MBP: variants seen among roughly 807,000 people sequenced by gnomAD.
The protein encoded by MBP is Golli-MBP.
Under a neutral mutation model 35.8 loss-of-function variants are expected in MBP, and 16 were observed. The ratio of observed to expected loss-of-function variants is 0.45; its 90% CI spans 0.30 to 0.68. The LOEUF (loss-of-function observed/expected upper bound fraction) is 0.68. Among genes scored for constraint, MBP ranks in the 30% least tolerant of loss-of-function variants. MBP has a pLI of 0.08. For synonymous variants in MBP, 143 were observed against 159.6 expected, an observed-to-expected ratio of 0.90 and a Z score of 0.78; for missense variants, 380 against 404.7, an observed-to-expected ratio of 0.94 and a Z score of 0.52.
intron 3 of MBP, among the ~76,000 whole-genome samples, chr18:77,058,889 C>T (rs1973850580): frequency 6.6e-6 from 1 of 152,194 alleles, no homozygotes; most frequent in African/African-American, 2.4e-5. Context: ...CAAATGTCAT[C>T]AAAATTAAAA....
At chr18:77,042,094 A>G (rs1052510819) in intron 3 of MBP, among the ~76,000 whole-genome samples, 2 of 152,114 alleles carry the variant, frequency 1.3e-5, no homozygotes, top group African/African-American at 4.8e-5. Flanking sequence ...ATCAAGGAAA[A>G]CCATGAATTC....
intron 2 of MBP, among the ~76,000 whole-genome samples, chr18:77,073,950 CTT>C (rs140873287): frequency 0.15 from 23,421 of 152,202 alleles, 2,021 homozygotes; most frequent in South Asian, 0.23. Flanking sequence ...ATGAGATAGA[CTT>C]TCACAATTAG....
intron 3 of MBP, among the ~76,000 whole-genome samples, chr18:77,022,476 C>T (rs1972028786): frequency 6.6e-6 from 1 of 152,202 alleles, no homozygotes; most frequent in Non-Finnish European, 1.5e-5. Context: ...TTAAGTACAT[C>T]ATTGCACTGT....
chr18:77,112,324 C>T (rs75644825), intron 1 of MBP, among the ~76,000 whole-genome samples: 2,767 of 152,330 alleles, frequency 0.018, 81 homozygotes, highest in African/African-American at 0.062. Flanking sequence ...TCCGTCATCC[C>T]GTTCCCACCT....
chr18:77,038,528 G>A (rs960811455), intron 3 of MBP, among the ~76,000 whole-genome samples: 4 of 152,188 alleles, frequency 2.6e-5, no homozygotes, highest in Non-Finnish European at 2.9e-5. Flanking sequence ...CTATCATGCC[G>A]TAACTGGGTC....
chr18:76,995,864 G>A (rs1475160589), intron 4 of MBP, among the ~76,000 whole-genome samples: 4 of 152,090 alleles, frequency 2.6e-5, no homozygotes, highest in African/African-American at 9.7e-5. Context: ...CAAAACTTTT[G>A]TTTTACAAAA....
intron 4 of MBP, chr18:77,009,980 T>A: frequency 2.4e-6 from 3 of 1,242,128 alleles, no homozygotes; most frequent in South Asian, 1.3e-5. Flanking sequence ...CCGCCGGCAA[T>A]GCCCCAAAGT....
At chr18:77,072,137 C>T (rs187960109) in intron 2 of MBP, among the ~76,000 whole-genome samples, 162 of 152,184 alleles carry the variant, frequency 1.1e-3, no homozygotes, top group African/African-American at 3.6e-3. Flanking sequence ...AGGATCCTGC[C>T]GGCGTACACA....
intron 4 of MBP, among the ~76,000 whole-genome samples, chr18:76,998,384 G>T (rs1209415718): frequency 3.3e-5 from 5 of 152,206 alleles, no homozygotes; most frequent in African/African-American, 1.2e-4. Flanking sequence ...GGCACCGTAT[G>T]CGCGGATTGC....
rs769419674 is a variant in MBP at position 76,984,818 on chromosome 18, T to C, written c.827A>G (p.Lys276Arg). The C allele has an allele frequency of 5.0e-6, 8 of 1,614,122 alleles. No homozygotes were observed. The South Asian group carries it at 8.8e-5, about 18-fold the overall frequency. ...SDYKSAHKGFKGVDAQGTLSK... is the reference protein window; with the variant it reads ...SDYKSAHKGFRGVDAQGTLSK... ...AAGCGTGCCCTGGGCATCGACTCCC[T>C]TGAATCCCTTGTGAGCCGATTTATA... is the stretch of plus-strand genomic sequence containing the variant. Residue 276 changes from lysine to arginine, a missense_variant, in exon 8 of 9, where the codon AAG (lysine) becomes AGG (arginine). Physicochemically the swap from Lys to Arg is conservative, Grantham distance 26 (BLOSUM62 2). Coordinates refer to ENST00000355994, the MANE Select transcript of MBP (RefSeq NM_001025101.2).
intron 4 of MBP, among the ~76,000 whole-genome samples, chr18:76,997,833 C>T (rs376352768): frequency 1.3e-5 from 2 of 152,178 alleles, no homozygotes; most frequent in Non-Finnish European, 2.9e-5. Context: ...GAGGCTCCGC[C>T]ACCACGCCCG....
chr18:77,124,090 C>T (rs34330273), intron 1 of MBP, among the ~76,000 whole-genome samples: 10,085 of 152,202 alleles, frequency 0.066, 388 homozygotes, highest in Non-Finnish European at 0.086. Context: ...GGGAGCATCC[C>T]GTGTCACCAG....
intron 1 of MBP, among the ~76,000 whole-genome samples, chr18:77,105,919 T>C (rs1976260021): frequency 6.6e-6 from 1 of 152,192 alleles, no homozygotes; most frequent in Admixed American, 6.5e-5. Flanking sequence ...ACATTTATGA[T>C]TTTTCCCCAA....
chr18:76,986,750 C>T (rs531478447), intron 7 of MBP: 14 of 985,482 alleles, frequency 1.4e-5, no homozygotes, highest in Admixed American at 6.1e-5. Context: ...TCCCTGCAAG[C>T]GTTAAGTCCT....
At chr18:76,985,440 T>G in intron 7 of MBP, 1 of 1,196,756 alleles carries the variant, frequency 8.4e-7, no homozygotes. Context: ...GTCTGGGAGA[T>G]CAAGAGTCCT....
At chr18:77,058,822 C>T (rs1973848318) in intron 3 of MBP, among the ~76,000 whole-genome samples, 1 of 152,238 alleles carries the variant, frequency 6.6e-6, no homozygotes, top group Non-Finnish European at 1.5e-5. Flanking sequence ...CACTGCCAGG[C>T]CTTTAGTTTC....
intron 2 of MBP, among the ~76,000 whole-genome samples, chr18:77,074,647 G>C (rs1974583272): frequency 6.6e-6 from 1 of 152,166 alleles, no homozygotes; most frequent in African/African-American, 2.4e-5. Context: ...GGGGGCCACT[G>C]TGGGAAGGAA....
At chr18:76,993,159 T>A (rs1022671773) in intron 4 of MBP, among the ~76,000 whole-genome samples, 1 of 152,182 alleles carries the variant, frequency 6.6e-6, no homozygotes, top group Non-Finnish European at 1.5e-5. Flanking sequence ...CCCAACTAAA[T>A]GCCAGGGGCC....
rs1025389867 is a variant in MBP at position 76,979,014 on chromosome 18, C to A, written c.*1413G>T. 1 of 152,122 alleles carries A rather than the reference C, an allele frequency of 6.6e-6. No individual in the cohort carries two copies. Among genetic ancestry groups the A allele is most frequent in the Non-Finnish European group, 1.5e-5 (1 of 68,016 alleles). The allele number at this position is 152,122 out of a possible 1,614,324, so 9.4% of individuals were successfully genotyped here. ...GGAGGTTTGTGTCTGGAGTTTTGTT[C>A]TTTGTAACTCTCTCATCATCGAGGC... On this transcript the variant is annotated 3_prime_UTR_variant, in exon 9 of 9. Coordinates refer to ENST00000355994, the MANE Select transcript of MBP (RefSeq NM_001025101.2).
Sources: gnomAD v4.1 joint callset for allele counts (sites outside exome capture counted in the v4.1 genomes callset) on GRCh38, gnomAD v4.1.1 for gene constraint, MANE v1.5 for transcripts, NCBI Gene and HGNC (gene_info 2026-07-23, HGNC 2026-07-21) for gene names.